The following CNTNAP2 variants were observed in gnomAD, a reference collection of about 807,000 sequenced individuals.
CNTNAP2 encodes contactin-associated protein-like 2.
Under a neutral mutation model 155.2 loss-of-function variants are expected in CNTNAP2, and 98 were observed. The ratio of observed to expected loss-of-function variants is 0.63; its 90% confidence interval spans 0.54 to 0.75. The LOEUF is 0.75. CNTNAP2 is among the 30% of genes least tolerant of loss of function. The pLI is 0.00. For missense variants in CNTNAP2, 1,727 were observed against 1,688.1 expected (o/e 1.02, Z -0.40); for synonymous variants, 651 against 631.2 (o/e 1.03, Z -0.47).
intron 15 of CNTNAP2, among the ~76,000 whole-genome samples, chr7:148,054,461 T>C (rs892614955): frequency 1.3e-5 from 2 of 149,112 alleles, no homozygotes; most frequent in African/African-American, 2.5e-5. Context: ...TTTTTTTTTT[T>C]TTTTTTTTTT....
intron 1 of CNTNAP2, among the ~76,000 whole-genome samples, chr7:146,563,194 C>T (rs981628613): frequency 2.0e-5 from 3 of 152,162 alleles, no homozygotes; most frequent in Admixed American, 6.5e-5. Flanking sequence ...TGTTTTGTTT[C>T]GTTGTTGTTC....
At chr7:146,890,397 C>A (rs1795751657) in intron 3 of CNTNAP2, among the ~76,000 whole-genome samples, 1 of 152,124 alleles carries the variant, frequency 6.6e-6, no homozygotes. Context: ...ATGGAGAATC[C>A]AGATCAGGTT....
intron 12 of CNTNAP2, among the ~76,000 whole-genome samples, chr7:147,593,500 C>T (rs557346841): frequency 6.6e-6 from 1 of 151,984 alleles, no homozygotes; most frequent in African/African-American, 2.4e-5. Context: ...TTCTGTCCCC[C>T]TTTTACCACT....
intron 3 of CNTNAP2, among the ~76,000 whole-genome samples, chr7:146,925,194 T>A (rs2129221068): frequency 6.6e-6 from 1 of 152,238 alleles, no homozygotes; most frequent in East Asian, 1.9e-4. Context: ...CATCTACTGT[T>A]GAAGCAAATG....
intron 3 of CNTNAP2, among the ~76,000 whole-genome samples, chr7:146,947,539 G>A (rs1797207670): frequency 1.2e-5 from 1 of 85,756 alleles, no homozygotes; most frequent in Non-Finnish European, 2.4e-5. Flanking sequence ...GTGTGTGTGT[G>A]TGTATGTGTG....
chr7:147,035,615 G>A (rs966327762), intron 3 of CNTNAP2, among the ~76,000 whole-genome samples: 1 of 152,130 alleles, frequency 6.6e-6, no homozygotes, highest in African/African-American at 2.4e-5. Context: ...TCCCACCTAT[G>A]AGACCTGTTG....
At chr7:148,045,068 G>A (rs757806663) in intron 15 of CNTNAP2, among the ~76,000 whole-genome samples, 15 of 152,180 alleles carry the variant, frequency 9.9e-5, no homozygotes, top group South Asian at 8.3e-4. Flanking sequence ...TTAGGTTCGC[G>A]TGTGTTGCTC....
intron 3 of CNTNAP2, among the ~76,000 whole-genome samples, chr7:147,024,017 A>G (rs1798858795): frequency 6.6e-6 from 1 of 152,152 alleles, no homozygotes; most frequent in Non-Finnish European, 1.5e-5. Flanking sequence ...TCTCATTCAG[A>G]ACTTAATCAC....
At chr7:146,885,498 C>A (rs762108069) in intron 3 of CNTNAP2, among the ~76,000 whole-genome samples, 2 of 152,084 alleles carry the variant, frequency 1.3e-5, no homozygotes, top group Non-Finnish European at 2.9e-5. Flanking sequence ...AATGCACACA[C>A]GTTGGCATTG....
At chr7:147,180,534 C>G (rs1337926919) in intron 8 of CNTNAP2, among the ~76,000 whole-genome samples, 2 of 151,870 alleles carry the variant, frequency 1.3e-5, no homozygotes, top group African/African-American at 4.8e-5. Flanking sequence ...CAAGCCATCA[C>G]TTAAGTAGAT....
chr7:146,156,105 G>T (rs189674504), intron 1 of CNTNAP2, among the ~76,000 whole-genome samples: 1 of 151,952 alleles, frequency 6.6e-6, no homozygotes, highest in Non-Finnish European at 1.5e-5. Context: ...TTCCCACATC[G>T]TCTGGAACAT....
rs571332208 is a variant in CNTNAP2 at position 147,299,392 on chromosome 7, A to T, written c.1349-749A>T. Among the ~76,000 whole-genome samples the T allele has an allele frequency of 4.1e-4, 63 of 151,870 alleles. No individual in the cohort carries two copies. In the South Asian group the frequency reaches 0.012, roughly 30 times the overall value. ...AGATCGTTGTATCAAGCAACAATGAAGTGCCATTGTTGGGGATATGCATTC... is the reference window on the plus strand; with the variant it reads ...AGATCGTTGTATCAAGCAACAATGATGTGCCATTGTTGGGGATATGCATTC... On this transcript the variant is annotated intron_variant, in intron 8 of 23. Transcript: ENST00000361727.
At chr7:148,064,698 C>G in intron 15 of CNTNAP2, among the ~76,000 whole-genome samples, 1 of 133,560 alleles carries the variant, frequency 7.5e-6, no homozygotes, top group East Asian at 2.3e-4. Context: ...AAAAAAAAAA[C>G]TCAAGAATAT....
At chr7:148,115,709 G>C (rs1008271290) in intron 15 of CNTNAP2, among the ~76,000 whole-genome samples, 4 of 152,084 alleles carry the variant, frequency 2.6e-5, no homozygotes, top group Middle Eastern at 3.2e-3. Flanking sequence ...CTAGCAACTT[G>C]AGCTTTGCAA....
intron 4 of CNTNAP2, chr7:147,085,937 A>G (rs1346693009): frequency 6.6e-6 from 1 of 152,210 alleles, no homozygotes; most frequent in African/African-American, 2.4e-5. Flanking sequence ...AAGCTCTGTA[A>G]GTCAAAGAGT....
At chr7:147,022,564 G>A (rs527732157) in intron 3 of CNTNAP2, among the ~76,000 whole-genome samples, 160 of 149,296 alleles carry the variant, frequency 1.1e-3, no homozygotes, top group African/African-American at 3.6e-3. Context: ...ATACATATAC[G>A]CACACATGTA....
chr7:148,317,248 G>A (rs972711702), intron 21 of CNTNAP2, among the ~76,000 whole-genome samples: 10 of 152,136 alleles, frequency 6.6e-5, no homozygotes, highest in East Asian at 3.8e-4. Flanking sequence ...CCAGCTACTC[G>A]GGAGACTGAG....
intron 2 of CNTNAP2, among the ~76,000 whole-genome samples, chr7:146,775,064 A>T (rs1427420984): frequency 6.6e-6 from 1 of 152,228 alleles, no homozygotes; most frequent in Non-Finnish European, 1.5e-5. Context: ...AAAGGAAAGA[A>T]ACAATATTAT....
chr7:148,410,565 C>A (rs1408883663), intron 23 of CNTNAP2, among the ~76,000 whole-genome samples: 325 of 112,690 alleles, frequency 2.9e-3, no homozygotes, highest in African/African-American at 5.8e-3. Context: ...AGACCTTTCT[C>A]AAAAAAAAAA....
Sources: allele counts gnomAD v4.1 joint callset (sites outside exome capture counted in the v4.1 genomes callset), GRCh38; gene constraint gnomAD v4.1.1; transcripts MANE v1.5; gene names NCBI Gene and HGNC (gene_info 2026-07-23, HGNC 2026-07-21).